RAB2A: variants seen among roughly 807,000 people sequenced by gnomAD.
RAB2A encodes ras-related protein Rab-2A.
A neutral mutation model predicts 32.5 loss-of-function variants in RAB2A; 7 were observed. The observed-to-expected ratio is 0.22, with a 90% CI of 0.12 to 0.40. RAB2A has a LOEUF of 0.40. Ranked by LOEUF, RAB2A falls within the 10% of genes least tolerant of loss-of-function variation. RAB2A has a pLI of 1.00. For synonymous variants in RAB2A, 79 were observed against 85.2 expected (o/e 0.93, Z 0.40); for missense variants, 108 against 260.7 (o/e 0.41, Z 4.03).
intron 6 of RAB2A, among the ~76,000 whole-genome samples, chr8:60,618,003 T>C (rs1254337511): frequency 6.6e-6 from 1 of 152,244 alleles, no homozygotes; most frequent in Non-Finnish European, 1.5e-5. Context: ...CCTTCTTTCA[T>C]TTAGCACAGT....
At chr8:60,589,674 G>A (rs1178663710) in intron 5 of RAB2A, among the ~76,000 whole-genome samples, 1 of 152,156 alleles carries the variant, frequency 6.6e-6, no homozygotes, top group African/African-American at 2.4e-5. Flanking sequence ...AACTTAAGTG[G>A]GATTCAGAGG....
At chr8:60,550,369 C>G (rs1807827112) in intron 1 of RAB2A, among the ~76,000 whole-genome samples, 1 of 151,982 alleles carries the variant, frequency 6.6e-6, no homozygotes, top group Admixed American at 6.6e-5. Flanking sequence ...AAGCTCCTTA[C>G]TGGTTCACGG....
intron 1 of RAB2A, among the ~76,000 whole-genome samples, chr8:60,520,144 T>C (rs1212841975): frequency 6.6e-6 from 1 of 152,254 alleles, no homozygotes; most frequent in Non-Finnish European, 1.5e-5. Flanking sequence ...TGAAAGTACT[T>C]TGATTTCTCA....
chr8:60,549,819 C>T (rs941291328), intron 1 of RAB2A, among the ~76,000 whole-genome samples: 2 of 151,114 alleles, frequency 1.3e-5, no homozygotes, highest in African/African-American at 4.9e-5. Context: ...TAGGGGATTC[C>T]TTTCTAGAAG....
At chr8:60,576,106 C>T (rs1803620196) in intron 3 of RAB2A, 1 of 399,966 alleles carries the variant, frequency 2.5e-6, no homozygotes. Context: ...ATCAGTTTCA[C>T]AGCTGGAAAC....
chr8:60,585,699 A>G (rs1254203231), intron 5 of RAB2A, among the ~76,000 whole-genome samples: 1 of 152,230 alleles, frequency 6.6e-6, no homozygotes, highest in Non-Finnish European at 1.5e-5. Context: ...ATGATAATGA[A>G]GACATCTCAA....
chr8:60,565,676 A>ATTTT (rs71252885), intron 2 of RAB2A, among the ~76,000 whole-genome samples: 2 of 97,672 alleles, frequency 2.0e-5, no homozygotes, highest in Admixed American at 1.3e-4. Flanking sequence ...TCTGTAGCTG[A>ATTTT]TTTTTTTTTT....
At chr8:60,619,357 A>G (rs16926333) in intron 7 of RAB2A, among the ~76,000 whole-genome samples, 1,739 of 152,280 alleles carry the variant, frequency 0.011, 40 homozygotes, top group African/African-American at 0.039. Context: ...TCTTACATAA[A>G]TATTTTTGCC....
intron 3 of RAB2A, among the ~76,000 whole-genome samples, chr8:60,578,335 A>T (rs1296934888): frequency 6.6e-6 from 1 of 152,234 alleles, no homozygotes; most frequent in Admixed American, 6.5e-5. Flanking sequence ...ACCACATGAA[A>T]GTGCTTTTGG....
At chr8:60,565,436 A>G (rs943928013) in intron 2 of RAB2A, among the ~76,000 whole-genome samples, 38 of 148,868 alleles carry the variant, frequency 2.6e-4, no homozygotes, top group African/African-American at 9.2e-4. Flanking sequence ...AAAAAAAAAG[A>G]AAGAAGTAAA....
chr8:60,565,417 CA>C (rs34983530), intron 2 of RAB2A, among the ~76,000 whole-genome samples: 9,736 of 111,218 alleles, frequency 0.088, 978 homozygotes, highest in African/African-American at 0.27. Context: ...AGACCTGCCT[CA>C]AAAAAAAAAA....
chr8:60,547,191 T>C lies in RAB2A; in HGVS notation c.47-11661T>C, dbSNP rs1374409797. Reference sequence around the variant, plus strand: ...AACCCTGAGTGGATACAGCACATGTTTCAGAGAACACAGGGTTGGGGGTAA... The same window carrying C: ...AACCCTGAGTGGATACAGCACATGTCTCAGAGAACACAGGGTTGGGGGTAA... On this transcript the variant is annotated intron_variant, in intron 1 of 7. Coordinates refer to ENST00000262646, the MANE Select transcript of RAB2A (RefSeq NM_002865.3). 2.6e-5 allele frequency among the ~76,000 whole-genome samples: 4 copies of C among 152,064 alleles called. No homozygotes were observed. The East Asian group carries it at 7.7e-4, about 29-fold the overall frequency.
At chr8:60,600,679 T>C (rs1230544233) in intron 6 of RAB2A, among the ~76,000 whole-genome samples, 1 of 152,202 alleles carries the variant, frequency 6.6e-6, no homozygotes, top group East Asian at 1.9e-4. Context: ...AAGGACACTT[T>C]AGTGGCTGCA....
chr8:60,580,481 G>A (rs1386015770), intron 3 of RAB2A, among the ~76,000 whole-genome samples: 1 of 152,008 alleles, frequency 6.6e-6, no homozygotes, highest in Non-Finnish European at 1.5e-5. Flanking sequence ...AAAGAGAATA[G>A]GCCAGAGTTG....
At chr8:60,582,836 C>T (rs1803783987) in intron 3 of RAB2A, among the ~76,000 whole-genome samples, 1 of 152,142 alleles carries the variant, frequency 6.6e-6, no homozygotes, top group Non-Finnish European at 1.5e-5. Flanking sequence ...CTTAGCATTC[C>T]AATAATGGAA....
At chr8:60,537,017 A>C (rs141223896) in intron 1 of RAB2A, among the ~76,000 whole-genome samples, 629 of 152,306 alleles carry the variant, frequency 4.1e-3, no homozygotes, top group African/African-American at 0.015. Context: ...TATTTATTTT[A>C]CCATCATTAC....
intron 2 of RAB2A, among the ~76,000 whole-genome samples, chr8:60,561,009 G>T (rs1303077819): frequency 2.2e-4 from 33 of 152,196 alleles, no homozygotes; most frequent in Admixed American, 2.2e-3. Context: ...AAAAACCAAG[G>T]ATCTTTTTCT....
At chr8:60,617,588 T>C (rs1318910993) in intron 6 of RAB2A, among the ~76,000 whole-genome samples, 2 of 152,124 alleles carry the variant, frequency 1.3e-5, no homozygotes, top group Non-Finnish European at 2.9e-5. Flanking sequence ...TTTTAAACTA[T>C]ACAATTCGTT....
Position 60,584,773 on chromosome 8 carries a change from A to T in RAB2A, c.320A>T (p.His107Leu). The change falls in exon 5 of 8, where the codon CAT becomes CTT. Residue 107 changes from histidine (H) to leucine (L), a missense_variant. His to Leu is a moderately conservative substitution (Grantham distance 99, BLOSUM62 -3). Around this residue, in one of 4 missense-constraint regions of RAB2A, gnomAD observed 79 missense variants for 199.8 expected, o/e 0.40. Coordinates refer to ENST00000262646, the MANE Select transcript of RAB2A (RefSeq NM_002865.3). ...LTTWLEDARQ[H>L]SNSNMVIMLI... is the part of the protein sequence containing the mutation. ...ACCTGGTTAGAAGATGCCCGCCAGCATTCCAATTCCAACATGGTCATTATG... is the reference window on the plus strand; with the variant it reads ...ACCTGGTTAGAAGATGCCCGCCAGCTTTCCAATTCCAACATGGTCATTATG... The T allele has an allele frequency of 6.2e-7, 1 of 1,613,728 alleles. No homozygotes were observed. Among genetic ancestry groups the T allele is most frequent in the Non-Finnish European group, 8.5e-7 (1 of 1,179,788 alleles).
Sources: allele counts gnomAD v4.1 joint callset (sites outside exome capture counted in the v4.1 genomes callset), GRCh38; gene constraint gnomAD v4.1.1; regional missense constraint gnomAD v4.1.1; transcripts MANE v1.5; gene names NCBI Gene and HGNC (gene_info 2026-07-23, HGNC 2026-07-21).